The following ATF7 variants were observed in gnomAD, a reference collection of about 807,000 sequenced individuals.
ATF7 encodes activating transcription factor 7, also known as cyclic AMP-dependent transcription factor ATF-7.
ATF7 carries 10 observed loss-of-function variants against 50.4 expected under a neutral mutation model. The observed-to-expected ratio is 0.20, with a 90% CI of 0.12 to 0.34. ATF7 has a LOEUF of 0.34. Ranked by LOEUF, ATF7 falls within the 10% of genes least tolerant of loss-of-function variation. ATF7 has a pLI of 1.00. For missense variants in ATF7, 465 were observed against 613.9 expected (o/e 0.76, Z 2.56); for synonymous variants, 201 against 226.4 (o/e 0.89, Z 1.01).
chr12:53,509,503 CTT>C (rs1337552672), downstream of ATF7, among the ~76,000 whole-genome samples: 51 of 134,924 alleles, frequency 3.8e-4, no homozygotes, highest in Non-Finnish European at 3.2e-4. Context: ...TACACTCCAG[CTT>C]TTTTTTTTTT....
intron 1 of ATF7, among the ~76,000 whole-genome samples, chr12:53,620,332 T>A (rs1419599944): frequency 2.2e-4 from 34 of 151,422 alleles, no homozygotes; most frequent in Non-Finnish European, 4.7e-4. Flanking sequence ...ATCCCAGCAC[T>A]TTGGGAGGCC....
chr12:53,547,751 G>A (rs764046764), intron 3 of ATF7, among the ~76,000 whole-genome samples: 4 of 20,468 alleles, frequency 2.0e-4, no homozygotes, highest in African/African-American at 6.2e-4. Context: ...CTAATTTTAT[G>A]TATGTATGTA....
chr12:53,562,012 AG>A (rs1215516097), intron 2 of ATF7, among the ~76,000 whole-genome samples: 1 of 152,252 alleles, frequency 6.6e-6, no homozygotes, highest in Non-Finnish European at 1.5e-5. Context: ...ACTGTACCTA[AG>A]GTAAATTCAT....
At chr12:53,589,676 C>T (rs1018491083) in intron 2 of ATF7, among the ~76,000 whole-genome samples, 1 of 152,014 alleles carries the variant, frequency 6.6e-6, no homozygotes, top group African/African-American at 2.4e-5. Context: ...TTAGTCAAAT[C>T]GAGAGGGTAA....
intron 5 of ATF7, among the ~76,000 whole-genome samples, chr12:53,536,960 C>T (rs1454429834): frequency 6.6e-6 from 1 of 152,132 alleles, no homozygotes; most frequent in African/African-American, 2.4e-5. Context: ...GACATATGCA[C>T]TAATTTCTCT....
chr12:53,512,489 T>A lies in ATF7; in HGVS notation c.*4648A>T, dbSNP rs944638335. 1 of 152,280 alleles carries A rather than the reference T, an allele frequency of 6.6e-6. No individual in the cohort carries two copies. The highest frequency in any genetic ancestry group is 1.9e-4 in the East Asian group (1 of 5,178). The allele number at this position is 152,280 out of a possible 1,614,324, so 9.4% of individuals were successfully genotyped here. Reference sequence around the variant, plus strand: ...TACACACTGCTTCCTTTTCAATAGATACTATGTTAGGATGTGGCAGCCTCC... The same window carrying A: ...TACACACTGCTTCCTTTTCAATAGAAACTATGTTAGGATGTGGCAGCCTCC... On this transcript the variant is annotated 3_prime_UTR_variant, in exon 12 of 12. Coordinates refer to ENST00000420353, the MANE Select transcript of ATF7 (RefSeq NM_006856.3).
At chr12:53,540,715 G>GA (rs2137424753) in intron 4 of ATF7, among the ~76,000 whole-genome samples, 1 of 151,860 alleles carries the variant, frequency 6.6e-6, no homozygotes, top group South Asian at 2.1e-4. Flanking sequence ...GACAGAGGGA[G>GA]ACTCTGTCTC....
intron 3 of ATF7, among the ~76,000 whole-genome samples, chr12:53,545,029 G>A (rs1375073933): frequency 1.3e-5 from 2 of 152,078 alleles, no homozygotes; most frequent in Non-Finnish European, 2.9e-5. Context: ...TTTAGTAAGG[G>A]CATACCCAAA....
chr12:53,555,534 G>A (rs12231289), intron 2 of ATF7, among the ~76,000 whole-genome samples: 60,106 of 125,728 alleles, frequency 0.48, 14,213 homozygotes, highest in East Asian at 0.73. Flanking sequence ...ACGGAGTCTC[G>A]CTCTGTTGCC....
chr12:53,601,261 T>G (rs1417770376), intron 1 of ATF7, among the ~76,000 whole-genome samples: 1 of 152,178 alleles, frequency 6.6e-6, no homozygotes, highest in East Asian at 1.9e-4. Flanking sequence ...ATTTCAAACC[T>G]TTGCTAGATT....
In ATF7 at chr12:53,515,495, C is replaced by T. The variant is rs1406254306; in HGVS notation, c.*1642G>A. On this transcript the variant is annotated 3_prime_UTR_variant, in exon 12 of 12. Coordinates refer to ENST00000420353, the MANE Select transcript of ATF7 (RefSeq NM_006856.3). Reference sequence around the variant, plus strand: ...ATACGGAAAGGCAATTAAAGCTGACCTATCTATCCACAGGCCTCTGGCTCT... The same window carrying T: ...ATACGGAAAGGCAATTAAAGCTGACTTATCTATCCACAGGCCTCTGGCTCT... 6.6e-6 allele frequency: 1 copy of T among 152,182 alleles called. No individual in the cohort carries two copies. The highest frequency in any genetic ancestry group is 1.5e-5 in the Non-Finnish European group (1 of 68,046). 9.4% of individuals were successfully genotyped at this position (152,182 alleles called of 1,614,324 possible).
chr12:53,508,515 G>A (rs1239844087), downstream of ATF7, among the ~76,000 whole-genome samples: 1 of 150,904 alleles, frequency 6.6e-6, no homozygotes, highest in African/African-American at 2.4e-5. Flanking sequence ...AGCTGAGATG[G>A]CACCACTACA....
At chr12:53,602,384 T>C (rs942778317) in intron 1 of ATF7, among the ~76,000 whole-genome samples, 62 of 152,208 alleles carry the variant, frequency 4.1e-4, no homozygotes, top group African/African-American at 1.4e-3. Context: ...CGGAAAACCA[T>C]GCTTAAAACT....
rs117905846 is a variant in ATF7 at position 53,533,977 on chromosome 12, T to C, written c.560+525A>G. Among the ~76,000 whole-genome samples, 94 of 152,298 alleles carry C rather than the reference T, an allele frequency of 6.2e-4. 1 individual carries two copies. In the East Asian group the frequency reaches 0.016, roughly 27 times the overall value. The stretch of plus-strand genomic sequence containing the variant: ...ATTAAAGAAGTATTAAACCCTTAAA[T>C]TAAGAAAGTATTACCCCCGGCTGGG... On this transcript the variant is annotated intron_variant, in intron 6 of 11. Coordinates refer to ENST00000420353, the MANE Select transcript of ATF7 (RefSeq NM_006856.3).
intron 3 of ATF7, among the ~76,000 whole-genome samples, chr12:53,551,428 T>A (rs896971128): frequency 6.6e-6 from 1 of 152,010 alleles, no homozygotes; most frequent in Non-Finnish European, 1.5e-5. Flanking sequence ...TCCCAAAGCA[T>A]TGGGATTACA....
At chr12:53,555,291 C>T (rs868813452) in intron 2 of ATF7, among the ~76,000 whole-genome samples, 9 of 150,392 alleles carry the variant, frequency 6.0e-5, no homozygotes, top group Non-Finnish European at 8.9e-5. Context: ...CGCCATTGCA[C>T]TCCAGCCTGG....
chr12:53,586,226 C>T (rs1445719911), intron 2 of ATF7, among the ~76,000 whole-genome samples: 1 of 152,138 alleles, frequency 6.6e-6, no homozygotes, highest in Non-Finnish European at 1.5e-5. Context: ...AAAACATACA[C>T]AGACATCTAG....
intron 4 of ATF7, chr12:53,542,827 G>A: frequency 3.0e-6 from 2 of 664,590 alleles, no homozygotes; most frequent in Non-Finnish European, 3.7e-6. Flanking sequence ...TATCTTTAAT[G>A]CTTTGAATAA....
chr12:53,596,396 TGAG>T (rs34629426), intron 2 of ATF7, among the ~76,000 whole-genome samples: 16,913 of 152,248 alleles, frequency 0.11, 1,042 homozygotes, highest in Admixed American at 0.19. Context: ...TAACTCTCCA[TGAG>T]TAGTATCTCC....
Sources: gnomAD v4.1 joint callset for allele counts (sites outside exome capture counted in the v4.1 genomes callset) on GRCh38, gnomAD v4.1.1 for gene constraint, MANE v1.5 for transcripts, NCBI Gene and HGNC (gene_info 2026-07-23, HGNC 2026-07-21) for gene names.